The following GRIP1 variants were observed in gnomAD, a reference collection of about 807,000 sequenced individuals.
The protein encoded by GRIP1 is glutamate receptor-interacting protein 1.
GRIP1 carries 45 observed loss-of-function variants against 129.9 expected under a neutral mutation model. The observed-to-expected ratio is 0.35, with a 90% CI of 0.27 to 0.44. The LOEUF is 0.44. GRIP1 is among the 20% of genes least tolerant of loss of function. The probability of loss-of-function intolerance (pLI) is 1.00; values close to 1 mark genes in which losing one functional copy is unlikely to be tolerated. For missense variants in GRIP1, 1,196 were observed against 1,396.8 expected (o/e 0.86, Z 2.29); for synonymous variants, 530 against 520.8 (o/e 1.02, Z -0.24).
At chr12:67,012,042 C>T (rs898604250) in intron 1 of GRIP1, among the ~76,000 whole-genome samples, 2 of 152,160 alleles carry the variant, frequency 1.3e-5, no homozygotes, top group African/African-American at 4.8e-5. Flanking sequence ...TTTACCCTCA[C>T]CACTCATGTC....
At chr12:66,974,453 T>TC (rs1209083767) in intron 1 of GRIP1, among the ~76,000 whole-genome samples, 11 of 152,196 alleles carry the variant, frequency 7.2e-5, no homozygotes, top group Admixed American at 2.0e-4. Flanking sequence ...AATTTCAACA[T>TC]CTAGAACACT....
intron 1 of GRIP1, among the ~76,000 whole-genome samples, chr12:66,800,272 C>A (rs1310965193): frequency 1.3e-5 from 2 of 152,122 alleles, no homozygotes; most frequent in Non-Finnish European, 2.9e-5. Context: ...GCCCTGAGAG[C>A]TTTCCCAGAC....
intron 23 of GRIP1, among the ~76,000 whole-genome samples, chr12:66,363,689 T>C (rs1054053470): frequency 6.6e-6 from 1 of 152,096 alleles, no homozygotes; most frequent in Admixed American, 6.6e-5. Context: ...TGTGACGATG[T>C]GGATGAACCT....
intron 1 of GRIP1, among the ~76,000 whole-genome samples, chr12:66,946,778 T>TG (rs2041675894): frequency 8.1e-5 from 1 of 12,282 alleles, no homozygotes; most frequent in African/African-American, 2.9e-4. Context: ...GGGGGTGGGG[T>TG]GGGGGATGGG....
chr12:66,730,828 T>C (rs1455721864), intron 1 of GRIP1, among the ~76,000 whole-genome samples: 2 of 151,486 alleles, frequency 1.3e-5, no homozygotes, highest in African/African-American at 4.8e-5. Context: ...GAAAAAAAAA[T>C]GTATATTACC....
intron 2 of GRIP1, 79 bp downstream of exon 2, chr12:66,596,768 C>CA: frequency 1.2e-6 from 1 of 812,478 alleles, no homozygotes; most frequent in Non-Finnish European, 2.2e-6. Context: ...TTATTTTTAC[C>CA]AAGTTGGAAT....
intron 19 of GRIP1, among the ~76,000 whole-genome samples, chr12:66,382,225 T>C (rs895475192): frequency 6.6e-6 from 1 of 152,008 alleles, no homozygotes; most frequent in African/African-American, 2.4e-5. Flanking sequence ...TGAGATCCTA[T>C]CTCCAAAAAA....
At chr12:66,362,472 T>C (rs1424300940) in intron 23 of GRIP1, among the ~76,000 whole-genome samples, 1 of 151,806 alleles carries the variant, frequency 6.6e-6, no homozygotes, top group Admixed American at 6.5e-5. Flanking sequence ...ATCTTTACTA[T>C]AGCCTTGCCT....
intron 4 of GRIP1, 93 bp from the exon 5 acceptor site, chr12:66,530,007 G>A: frequency 2.5e-6 from 2 of 813,966 alleles, no homozygotes; most frequent in Non-Finnish European, 4.2e-6. Context: ...ACAGATCCCT[G>A]TTGCAAATAA....
At chr12:66,620,994 A>T (rs1178205890) in intron 1 of GRIP1, among the ~76,000 whole-genome samples, 2 of 152,182 alleles carry the variant, frequency 1.3e-5, no homozygotes, top group Non-Finnish European at 2.9e-5. Flanking sequence ...TGAATAAATT[A>T]AGTTTTCAGA....
At chr12:66,434,786 G>A (rs1055174819) in intron 13 of GRIP1, among the ~76,000 whole-genome samples, 2 of 152,222 alleles carry the variant, frequency 1.3e-5, no homozygotes, top group Non-Finnish European at 2.9e-5. Flanking sequence ...GGGCAGAGAG[G>A]GCCTTTGGAA....
chr12:66,649,846 T>C (rs1982664), intron 1 of GRIP1, among the ~76,000 whole-genome samples: 16,071 of 152,234 alleles, frequency 0.11, 950 homozygotes, highest in African/African-American at 0.15. Context: ...TGTAGGAATA[T>C]ATCAGATTTC....
At chr12:66,537,548 T>C (rs1452649821) in intron 4 of GRIP1, among the ~76,000 whole-genome samples, 1 of 151,422 alleles carries the variant, frequency 6.6e-6, no homozygotes, top group African/African-American at 2.4e-5. Flanking sequence ...ATACCTACTA[T>C]GTACCCACAG....
Position 66,726,018 on chromosome 12 carries a change from C to A in GRIP1, c.-420+78035G>T, listed in dbSNP as rs991376349. On this transcript the variant is annotated intron_variant, in intron 1 of 4. Transcript: ENST00000538373. Reference sequence around the variant, plus strand: ...CAGAAACAGATCTACTTGTTTTCAGCCCATGCCATCTCTATCTCCTAGCCT... The same window carrying A: ...CAGAAACAGATCTACTTGTTTTCAGACCATGCCATCTCTATCTCCTAGCCT... Among the ~76,000 whole-genome samples, 3 of 152,142 alleles carry A rather than the reference C, an allele frequency of 2.0e-5. No homozygotes were observed. In the South Asian group the frequency reaches 6.2e-4, roughly 32 times the overall value.
upstream of GRIP1, among the ~76,000 whole-genome samples, chr12:66,807,819 CA>C (rs1230187327): frequency 2.6e-5 from 4 of 151,832 alleles, 1 homozygote; most frequent in Non-Finnish European, 5.9e-5. Context: ...AACTATGAGC[CA>C]ATTAAACCTA....
At chr12:67,041,984 G>A (rs1473660738) in intron 1 of GRIP1, among the ~76,000 whole-genome samples, 1 of 152,136 alleles carries the variant, frequency 6.6e-6, no homozygotes, top group Non-Finnish European at 1.5e-5. Flanking sequence ...GTGCTAAGAG[G>A]TGGGATCTTT....
At chr12:66,808,991 A>C (rs2136945301), upstream of GRIP1, among the ~76,000 whole-genome samples, 1 of 152,372 alleles carries the variant, frequency 6.6e-6, no homozygotes, top group Middle Eastern at 3.4e-3. Context: ...CAGTTGAGCT[A>C]AATGTTCACT....
intron 1 of GRIP1, among the ~76,000 whole-genome samples, chr12:66,697,441 C>A (rs1209219070): frequency 6.6e-6 from 1 of 152,120 alleles, no homozygotes; most frequent in African/African-American, 2.4e-5. Flanking sequence ...CACCTTTAAA[C>A]AAACCATTTT....
At chr12:66,963,673 A>C (rs2137543099) in intron 1 of GRIP1, among the ~76,000 whole-genome samples, 1 of 152,152 alleles carries the variant, frequency 6.6e-6, no homozygotes, top group South Asian at 2.1e-4. Flanking sequence ...TTCTTCTCTC[A>C]ATACTCCTTG....
Sources: gnomAD v4.1 joint callset for allele counts (sites outside exome capture counted in the v4.1 genomes callset) on GRCh38, gnomAD v4.1.1 for gene constraint, MANE v1.5 for transcripts, NCBI Gene and HGNC (gene_info 2026-07-23, HGNC 2026-07-21) for gene names.